Variants in PARD3 observed in about 807,000 individuals in gnomAD.
PARD3 encodes the protein par-3 family cell polarity regulator.
PARD3 carries 75 observed loss-of-function variants against 155.4 expected under a neutral mutation model. The observed-to-expected ratio is 0.48, with a 90% CI of 0.40 to 0.58. PARD3 has a LOEUF of 0.58. Ranked by LOEUF, PARD3 falls within the 20% of genes least tolerant of loss-of-function variation. The probability of loss-of-function intolerance (pLI) is 0.00; values close to 1 mark genes in which losing one functional copy is unlikely to be tolerated. For missense variants in PARD3, 1,642 were observed against 1,721.7 expected (o/e 0.95, Z 0.82); for synonymous variants, 576 against 610.5 (o/e 0.94, Z 0.83).
intron 3 of PARD3, among the ~76,000 whole-genome samples, chr10:34,486,976 C>T (rs1162903082): frequency 6.6e-6 from 1 of 152,232 alleles, no homozygotes; most frequent in Admixed American, 6.5e-5. Flanking sequence ...GCCTGGCCGT[C>T]TCCAAGTCAT....
intron 20 of PARD3, among the ~76,000 whole-genome samples, chr10:34,298,380 T>C (rs1322628899): frequency 6.6e-6 from 1 of 152,116 alleles, no homozygotes; most frequent in Non-Finnish European, 1.5e-5. Context: ...ATAAACAAAA[T>C]GACGTATATA....
At chr10:34,441,095 G>A (rs982077134) in intron 5 of PARD3, among the ~76,000 whole-genome samples, 2 of 152,034 alleles carry the variant, frequency 1.3e-5, no homozygotes, top group South Asian at 2.1e-4. Context: ...ATCAAATTGC[G>A]AAATGACGAT....
intron 12 of PARD3, 51 bp from the exon 13 acceptor site, chr10:34,360,310 C>T: frequency 7.2e-7 from 1 of 1,383,510 alleles, no homozygotes; most frequent in East Asian, 2.3e-5. Context: ...GTTTCTTTCT[C>T]AAAGTTATTT....
intron 22 of PARD3, among the ~76,000 whole-genome samples, chr10:34,159,284 A>T (rs1452941987): frequency 6.6e-6 from 1 of 152,176 alleles, no homozygotes; most frequent in Non-Finnish European, 1.5e-5. Context: ...TTCTACTGCT[A>T]CTCATGGGCT....
At chr10:34,788,906 C>G (rs1841308682) in intron 1 of PARD3, among the ~76,000 whole-genome samples, 1 of 152,182 alleles carries the variant, frequency 6.6e-6, no homozygotes, top group Non-Finnish European at 1.5e-5. Flanking sequence ...TATACACTGG[C>G]ACACCCCATC....
chr10:34,189,832 T>A (rs934765946), intron 22 of PARD3, among the ~76,000 whole-genome samples: 10 of 144,524 alleles, frequency 6.9e-5, no homozygotes, highest in Admixed American at 4.2e-4. Flanking sequence ...AATGAGCCTA[T>A]CCCTTTGAGG....
intron 14 of PARD3, among the ~76,000 whole-genome samples, chr10:34,352,912 C>T (rs1239548667): frequency 6.6e-6 from 1 of 151,984 alleles, no homozygotes; most frequent in Non-Finnish European, 1.5e-5. Flanking sequence ...GCGTCTCTGC[C>T]CGGCCGCCCA....
At chr10:34,399,157 CTA>C (rs1843640309) in intron 7 of PARD3, among the ~76,000 whole-genome samples, 171 bp downstream of exon 7, 3 of 152,104 alleles carry the variant, frequency 2.0e-5, no homozygotes, top group Non-Finnish European at 4.4e-5. Context: ...CTTCATCAGG[CTA>C]AGTGCTTTCT....
chr10:34,784,767 CT>C (rs1289100196), intron 1 of PARD3, among the ~76,000 whole-genome samples: 3 of 152,146 alleles, frequency 2.0e-5, no homozygotes, highest in African/African-American at 7.2e-5. Context: ...TTTTCTTCCC[CT>C]TTTTTCCCCG....
intron 2 of PARD3, among the ~76,000 whole-genome samples, chr10:34,563,139 C>T (rs2085639441): frequency 6.6e-6 from 1 of 152,160 alleles, no homozygotes; most frequent in Non-Finnish European, 1.5e-5. Context: ...TCTATACTAA[C>T]CATAACACTA....
chr10:34,295,775 T>G (rs558684551), intron 20 of PARD3, among the ~76,000 whole-genome samples: 1 of 152,296 alleles, frequency 6.6e-6, no homozygotes, highest in African/African-American at 2.4e-5. Flanking sequence ...CCTATATATC[T>G]TTTTTTAGCA....
intron 7 of PARD3, among the ~76,000 whole-genome samples, chr10:34,390,910 C>G (rs142798404): frequency 6.6e-6 from 1 of 151,926 alleles, no homozygotes; most frequent in Non-Finnish European, 1.5e-5. Flanking sequence ...TCCTTTCCAG[C>G]GAAACAAAAA....
intron 12 of PARD3, among the ~76,000 whole-genome samples, chr10:34,362,656 G>A (rs1005585312): frequency 1.7e-4 from 26 of 152,178 alleles, no homozygotes; most frequent in Middle Eastern, 3.4e-3. Context: ...TCAACAAACC[G>A]GGCAAATTTT....
chr10:34,353,093 G>C (rs1230679633), intron 14 of PARD3, among the ~76,000 whole-genome samples: 4 of 152,138 alleles, frequency 2.6e-5, no homozygotes, highest in Non-Finnish European at 1.5e-5. Flanking sequence ...GGGAAGTGAG[G>C]AGCCCCTCCG....
chr10:34,187,794 C>T (rs922059135), intron 22 of PARD3, among the ~76,000 whole-genome samples: 2 of 152,200 alleles, frequency 1.3e-5, no homozygotes, highest in African/African-American at 4.8e-5. Context: ...GTTAATTATG[C>T]TCTCCAAAGG....
chr10:34,378,732 A>C (rs918578480), intron 9 of PARD3, among the ~76,000 whole-genome samples: 4 of 152,208 alleles, frequency 2.6e-5, no homozygotes, highest in African/African-American at 9.6e-5. Context: ...CCCCACTCCC[A>C]AACAAGGCAA....
At chr10:34,251,281 C>CA (rs1448515525) in intron 22 of PARD3, among the ~76,000 whole-genome samples, 1 of 152,142 alleles carries the variant, frequency 6.6e-6, no homozygotes, top group African/African-American at 2.4e-5. Flanking sequence ...CATGCAAAAA[C>CA]AATCTCTGTG....
chr10:34,111,118 A>C lies in PARD3; in HGVS notation c.*51T>G. ...AAAAACTCCCAAAATACAAGTCTTC[A>C]TAGGAAAATGTCTTTTATTGCGCGA... On this transcript the variant is annotated 3_prime_UTR_variant, in exon 25 of 25. Coordinates refer to ENST00000374788, the MANE Select transcript of PARD3 (RefSeq NM_001184785.2). 1 of 1,506,406 alleles carries C rather than the reference A, an allele frequency of 6.6e-7. No homozygotes were observed. 93.3% of individuals were successfully genotyped at this position (1,506,406 alleles called of 1,614,324 possible).
At chr10:34,368,489 G>A (rs954017741) in intron 12 of PARD3, among the ~76,000 whole-genome samples, 3 of 151,854 alleles carry the variant, frequency 2.0e-5, no homozygotes, top group Non-Finnish European at 4.4e-5. Context: ...TGGCTAACAC[G>A]GTGAAACCCT....
Sources: gnomAD v4.1 joint callset for allele counts (sites outside exome capture counted in the v4.1 genomes callset) on GRCh38, gnomAD v4.1.1 for gene constraint, MANE v1.5 for transcripts, NCBI Gene and HGNC (gene_info 2026-07-23, HGNC 2026-07-21) for gene names.